RANBP17: variants seen among roughly 807,000 people sequenced by gnomAD.
RANBP17 encodes the protein RAN binding protein 17.
A neutral mutation model predicts 141.2 loss-of-function variants in RANBP17; 158 were observed. That is an observed-to-expected ratio of 1.12 (90% CI 0.98 to 1.28). The LOEUF (loss-of-function observed/expected upper bound fraction) is 1.28. RANBP17 is among the 50% of genes most tolerant of loss of function. The pLI, the probability that RANBP17 is intolerant of heterozygous loss-of-function variation, is 0.00. For synonymous variants in RANBP17, 430 were observed against 450.0 expected, an observed-to-expected ratio of 0.96 and a Z score of 0.56; for missense variants, 1,438 against 1,290.7, an observed-to-expected ratio of 1.11 and a Z score of -1.75.
intron 14 of RANBP17, among the ~76,000 whole-genome samples, chr5:171,080,775 A>G (rs910756636): frequency 6.6e-6 from 1 of 152,190 alleles, no homozygotes; most frequent in African/African-American, 2.4e-5. Flanking sequence ...GCTGCTGCAA[A>G]TAGAACATTC....
chr5:171,173,553 T>C (rs1013344162), intron 16 of RANBP17, among the ~76,000 whole-genome samples: 15 of 152,132 alleles, frequency 9.9e-5, no homozygotes, highest in Admixed American at 8.5e-4. Context: ...CCTTACTCAG[T>C]GTTTATGGTG....
At chr5:170,911,228 A>G (rs561757038) in intron 7 of RANBP17, 94 bp downstream of exon 7, 1 of 1,130,598 alleles carries the variant, frequency 8.8e-7, no homozygotes, top group South Asian at 1.5e-5. Flanking sequence ...TTTGCCAGGA[A>G]TTAAAAAAAT....
intron 14 of RANBP17, among the ~76,000 whole-genome samples, chr5:171,142,632 C>G (rs2127813588): frequency 6.6e-6 from 1 of 152,228 alleles, no homozygotes; most frequent in Non-Finnish European, 1.5e-5. Flanking sequence ...GCTATCTGTC[C>G]AAAACATGAC....
intron 13 of RANBP17, among the ~76,000 whole-genome samples, chr5:170,957,108 C>CACACACAT (rs1554141645): frequency 2.8e-5 from 4 of 144,486 alleles, no homozygotes; most frequent in Non-Finnish European, 6.1e-5. Context: ...CACACACACA[C>CACACACAT]GCGCACACTG....
At chr5:170,968,642 A>G in intron 14 of RANBP17, 2 of 519,340 alleles carry the variant, frequency 3.9e-6, no homozygotes, top group Non-Finnish European at 3.7e-6. Context: ...TTTAAACACT[A>G]ATCAATTTTG....
rs1056971018 is a variant in RANBP17 at position 171,293,012 on chromosome 5, G to A, written c.2944-871G>A. 2.0e-5 allele frequency among the ~76,000 whole-genome samples: 3 copies of A among 152,064 alleles called. No homozygotes were observed. In the South Asian group the frequency reaches 6.2e-4, roughly 32 times the overall value. ...CTGTCATGCTAAGTTTCTTACCATG[G>A]CAGAACCCTTTGTGTGCATCCCCAC... On this transcript the variant is annotated intron_variant, in intron 25 of 27. Transcript: ENST00000523189.
Position 171,183,199 on chromosome 5 carries a change from A to C in RANBP17, c.1898A>C (p.Asp633Ala). The C allele has an allele frequency of 6.3e-7, 1 of 1,582,770 alleles. No homozygotes were observed. The highest frequency in any genetic ancestry group is 8.7e-7 in the Non-Finnish European group (1 of 1,151,614). The part of the protein sequence containing the change: ...YILLKKLVKI[D>A]AVKFMLKNHT... ...CTTTTAAAAAAACTTGTGAAGATAG[A>C]TGCTGTGAAATTCATGCTAAAAAAC... Residue 633 changes from aspartate (D) to alanine (A), a missense_variant, in exon 17 of 28, where the codon GAT becomes GCT. Coordinates refer to ENST00000523189, the MANE Select transcript of RANBP17 (RefSeq NM_022897.5).
At chr5:171,006,348 A>G (rs1779606590) in intron 14 of RANBP17, among the ~76,000 whole-genome samples, 1 of 152,170 alleles carries the variant, frequency 6.6e-6, no homozygotes, top group Non-Finnish European at 1.5e-5. Flanking sequence ...AACCAAGCCA[A>G]ATGTCCAGCA....
chr5:170,935,479 A>G (rs1419683010), intron 12 of RANBP17, among the ~76,000 whole-genome samples: 1 of 152,022 alleles, frequency 6.6e-6, no homozygotes, highest in Non-Finnish European at 1.5e-5. Flanking sequence ...TGACGTATGG[A>G]TGGGGTTTTG....
intron 21 of RANBP17, among the ~76,000 whole-genome samples, 183 bp from the exon 22 acceptor site, chr5:171,221,575 A>G (rs143110259): frequency 1.3e-5 from 2 of 152,328 alleles, no homozygotes; most frequent in East Asian, 1.9e-4. Context: ...TAATTGTCCT[A>G]CTATCTTTAG....
chr5:171,274,145 T>TGC (rs1275562908), intron 25 of RANBP17, among the ~76,000 whole-genome samples: 136 of 129,696 alleles, frequency 1.0e-3, no homozygotes, highest in East Asian at 3.2e-3. Context: ...TGTGTGTGTG[T>TGC]GTGTGCGCGC....
intron 14 of RANBP17, among the ~76,000 whole-genome samples, chr5:171,094,860 C>G (rs1786565639): frequency 6.6e-6 from 1 of 152,078 alleles, no homozygotes; most frequent in African/African-American, 2.4e-5. Flanking sequence ...TCCCTGTTGG[C>G]TGTGGTTTGA....
At chr5:170,874,381 C>CT (rs1767995224) in intron 1 of RANBP17, among the ~76,000 whole-genome samples, 1 of 152,120 alleles carries the variant, frequency 6.6e-6, no homozygotes, top group Admixed American at 6.5e-5. Context: ...TCCTGAATAT[C>CT]TTTGTTAATT....
In RANBP17 at chr5:171,147,608, G is replaced by T. The variant is rs1456670945; in HGVS notation, c.1711-22522G>T. Among the ~76,000 whole-genome samples the T allele has an allele frequency of 1.1e-4, 16 of 152,012 alleles. No homozygotes were observed. In the South Asian group the frequency reaches 2.9e-3, roughly 28 times the overall value. On this transcript the variant is annotated intron_variant, in intron 14 of 27. Transcript: ENST00000523189. ...TTTTTGTATTTTTGGTAGAGATGGG[G>T]TTTCACCATTTTGGCCAGGCTAGTC...
At chr5:170,911,494 T>C (rs2127422391) in intron 7 of RANBP17, 2 of 708,668 alleles carry the variant, frequency 2.8e-6, no homozygotes, top group South Asian at 2.9e-5. Context: ...GTCAAACCTT[T>C]AAATCTTCAG....
intron 14 of RANBP17, among the ~76,000 whole-genome samples, chr5:171,053,322 A>C (rs1234787750): frequency 6.6e-6 from 1 of 152,068 alleles, no homozygotes; most frequent in South Asian, 2.1e-4. Context: ...CTGAACATAA[A>C]ATCTAAGAGA....
intron 14 of RANBP17, among the ~76,000 whole-genome samples, chr5:171,163,542 A>C (rs139519688): frequency 6.6e-6 from 1 of 152,132 alleles, no homozygotes; most frequent in East Asian, 1.9e-4. Flanking sequence ...TGAAGCCTAA[A>C]ACAAAAATAT....
In RANBP17 at chr5:171,213,685, G is replaced by A; in HGVS notation, c.2286G>A (p.Glu762=). 4 of 1,613,776 alleles carry A rather than the reference G, an allele frequency of 2.5e-6. No individual in the cohort carries two copies. The South Asian group carries it at 3.3e-5, about 13-fold the overall frequency. Residue 762 remains glutamate, a synonymous_variant, in exon 21 of 28, where the codon GAG becomes GAA. Transcript: ENST00000523189. ...ATGCTGTTGAACGGTGGTATGGAGAGCCAACATGTACAACTCCCATCTTGA... is the reference window on the plus strand; with the variant it reads ...ATGCTGTTGAACGGTGGTATGGAGAACCAACATGTACAACTCCCATCTTGA... ...LQNAVERWYG[E]PTCTTPILKL...
At chr5:171,148,641 A>T (rs1758256884) in intron 14 of RANBP17, among the ~76,000 whole-genome samples, 1 of 151,892 alleles carries the variant, frequency 6.6e-6, no homozygotes, top group South Asian at 2.1e-4. Context: ...ACATTTCATG[A>T]TCATATATAT....
Sources: allele counts gnomAD v4.1 joint callset (sites outside exome capture counted in the v4.1 genomes callset), GRCh38; gene constraint gnomAD v4.1.1; transcripts MANE v1.5; gene names NCBI Gene and HGNC (gene_info 2026-07-23, HGNC 2026-07-21).